The following PAH variants were observed in gnomAD, a reference collection of about 807,000 sequenced individuals.
PAH encodes the protein phenylalanine hydroxylase, also known as phenylalanine-4-hydroxylase.
PAH carries 64 observed loss-of-function variants against 62.0 expected under a neutral mutation model. The ratio of observed to expected loss-of-function variants is 1.03; its 90% CI spans 0.84 to 1.27. The LOEUF (loss-of-function observed/expected upper bound fraction) is 1.27. Among genes scored for constraint, PAH ranks in the 50% most tolerant of loss-of-function variants. PAH has a pLI of 0.00. For missense variants in PAH, 579 were observed against 542.8 expected, an observed-to-expected ratio of 1.07 and a Z score of -0.66; for synonymous variants, 195 against 196.2, an observed-to-expected ratio of 0.99 and a Z score of 0.05.
At chr12:102,903,063 T>A (rs1193271223) in intron 2 of PAH, among the ~76,000 whole-genome samples, 1 of 151,966 alleles carries the variant, frequency 6.6e-6, no homozygotes, top group Non-Finnish European at 1.5e-5. Context: ...ATATTCTAGG[T>A]CAAAAAGACC....
upstream of PAH, chr12:102,958,414 A>AGCC: frequency 6.5e-7 from 1 of 1,534,262 alleles, no homozygotes; most frequent in Non-Finnish European, 8.8e-7. Flanking sequence ...CAGCAGCAGC[A>AGCC]GCAGCAGCAG....
intron 5 of PAH, among the ~76,000 whole-genome samples, chr12:102,859,377 C>A (rs1875604351): frequency 6.6e-6 from 1 of 152,226 alleles, no homozygotes; most frequent in South Asian, 2.1e-4. Flanking sequence ...GGATTCATAG[C>A]CGAATTCTAC....
intron 4 of PAH, among the ~76,000 whole-genome samples, chr12:102,873,913 G>A (rs1049040617): frequency 7.9e-5 from 12 of 152,080 alleles, no homozygotes; most frequent in African/African-American, 2.4e-4. Context: ...TTTGATCATG[G>A]GATATTTTTC....
intron 8 of PAH, chr12:102,847,294 T>C (rs115638163): frequency 0.047 from 16,284 of 350,012 alleles, 464 homozygotes; most frequent in Middle Eastern, 0.068. Context: ...CAGCAGAATA[T>C]TCCTGGAATG....
At chr12:102,939,898 G>C (rs1879231144) in intron 1 of PAH, among the ~76,000 whole-genome samples, 1 of 152,146 alleles carries the variant, frequency 6.6e-6, no homozygotes, top group Non-Finnish European at 1.5e-5. Flanking sequence ...GCCAAGCCAA[G>C]ATCTGTGGCC....
At chr12:102,893,576 G>A (rs1343147591) in intron 3 of PAH, among the ~76,000 whole-genome samples, 2 of 152,038 alleles carry the variant, frequency 1.3e-5, no homozygotes, top group Non-Finnish European at 2.9e-5. Context: ...AGTGCACCAG[G>A]CACTGTTCTA....
chr12:102,865,965 A>G (rs1430643000), intron 5 of PAH, among the ~76,000 whole-genome samples: 1 of 152,058 alleles, frequency 6.6e-6, no homozygotes, highest in Non-Finnish European at 1.5e-5. Context: ...CCATGGTGGC[A>G]TTTCTGTAGT....
rs576751379 is a variant in PAH, at chr12:102,879,092, A to G, written c.353-1542T>C. On this transcript the variant is annotated intron_variant, in intron 3 of 12. Coordinates refer to ENST00000553106, the MANE Select transcript of PAH (RefSeq NM_000277.3). Reference sequence around the variant, plus strand: ...CTTAGAATCCGGGTTCCATCTGCCTACTTATCCTCTCTGTGTCTCAGTTCC... The same window carrying G: ...CTTAGAATCCGGGTTCCATCTGCCTGCTTATCCTCTCTGTGTCTCAGTTCC... Among the ~76,000 whole-genome samples, 4 of 152,208 alleles carry G rather than the reference A, an allele frequency of 2.6e-5. No individual in the cohort carries two copies. In the East Asian group the frequency reaches 5.8e-4, roughly 22 times the overall value.
In PAH at chr12:102,912,755, G is replaced by A. The variant is rs541981330; in HGVS notation, c.168+36C>T. The stretch of plus-strand genomic sequence containing the variant: ...AGAAAAGAACATGGAAGTTTGCTAC[G>A]ACATTATCCAAGACAAACATGATTG... On this transcript the variant is annotated intron_variant, in intron 2 of 12. Coordinates refer to ENST00000553106, the MANE Select transcript of PAH (RefSeq NM_000277.3). 11 of 1,372,298 alleles carry A rather than the reference G, an allele frequency of 8.0e-6. No homozygotes were observed. The South Asian group carries it at 8.1e-5, about 10-fold the overall frequency. 85.0% of individuals were successfully genotyped at this position (1,372,298 alleles called of 1,614,324 possible).
At chr12:102,935,806 G>A (rs1470268263) in intron 1 of PAH, among the ~76,000 whole-genome samples, 1 of 151,238 alleles carries the variant, frequency 6.6e-6, no homozygotes, top group African/African-American at 2.4e-5. Flanking sequence ...CTGGCTAAAG[G>A]TTTGCTGATT....
At chr12:102,943,009 G>T (rs1406905161) in intron 1 of PAH, among the ~76,000 whole-genome samples, 1 of 151,830 alleles carries the variant, frequency 6.6e-6, no homozygotes, top group East Asian at 1.9e-4. Context: ...GGACATCAGC[G>T]CTACAAAAAT....
chr12:102,945,600 T>C (rs949993331), intron 1 of PAH, among the ~76,000 whole-genome samples: 9 of 151,668 alleles, frequency 5.9e-5, no homozygotes, highest in African/African-American at 1.9e-4. Context: ...CCACAGGGAG[T>C]ACTGCCAGGC....
intron 1 of PAH, among the ~76,000 whole-genome samples, chr12:102,924,155 C>G (rs999333848): frequency 2.0e-5 from 3 of 152,188 alleles, no homozygotes; most frequent in African/African-American, 7.2e-5. Flanking sequence ...TGACACATCT[C>G]TAGTGAAATT....
At chr12:102,885,099 C>T (rs1876977122) in intron 3 of PAH, among the ~76,000 whole-genome samples, 2 of 152,120 alleles carry the variant, frequency 1.3e-5, no homozygotes, top group East Asian at 1.9e-4. Context: ...TTCCTTTTCT[C>T]CCACCTTGAG....
At chr12:102,871,943 AAAAAAAATATATATAT>A (rs1312922837) in intron 4 of PAH, among the ~76,000 whole-genome samples, 3 of 5,916 alleles carry the variant, frequency 5.1e-4, no homozygotes, top group African/African-American at 1.0e-3. Flanking sequence ...AAAAAAAAAA[AAAAAAAATATATATAT>A]ATATATATAT....
intron 3 of PAH, among the ~76,000 whole-genome samples, chr12:102,888,687 C>A (rs973576767): frequency 1.3e-5 from 2 of 151,716 alleles, no homozygotes; most frequent in Non-Finnish European, 1.5e-5. Flanking sequence ...TCACCTCCCC[C>A]TGAATGGGCT....
rs1874434467 is a variant in PAH, at chr12:102,838,054, G to A, written c.*1121C>T. 6.6e-6 allele frequency: 1 copy of A among 152,170 alleles called. No homozygotes were observed. The highest frequency in any genetic ancestry group is 1.5e-5 in the Non-Finnish European group (1 of 68,026). The allele number at this position is 152,170 out of a possible 1,614,324, so 9.4% of individuals were successfully genotyped here. A position where few individuals can be genotyped will look rare whatever the true frequency, so the allele number is the denominator to read the frequency against. On this transcript the variant is annotated 3_prime_UTR_variant, in exon 13 of 13. Transcript: ENST00000553106. ...CAAAATAAAATGTAAAGTAGTATGA[G>A]AATTTCAAATCATAGCTACAAAGAT...
At chr12:102,951,087 C>G (rs1350220976), upstream of PAH, among the ~76,000 whole-genome samples, 3 of 152,160 alleles carry the variant, frequency 2.0e-5, no homozygotes, top group African/African-American at 7.2e-5. Flanking sequence ...TTTTCTTCTT[C>G]CCTCCTATAT....
chr12:102,867,871 GTATATATACA>G, intron 4 of PAH, among the ~76,000 whole-genome samples: 1 of 122,810 alleles, frequency 8.1e-6, no homozygotes, highest in Non-Finnish European at 1.8e-5. Flanking sequence ...ATATATAGAT[GTATATATACA>G]TGTATATACA....
Sources: allele counts gnomAD v4.1 joint callset (sites outside exome capture counted in the v4.1 genomes callset), GRCh38; gene constraint gnomAD v4.1.1; transcripts MANE v1.5; gene names NCBI Gene and HGNC (gene_info 2026-07-23, HGNC 2026-07-21).